The following FNDC1 variants were observed in gnomAD, a reference collection of about 807,000 sequenced individuals.
FNDC1 encodes the protein fibronectin type III domain-containing protein 1.
A neutral mutation model predicts 168.0 loss-of-function variants in FNDC1; 96 were observed. That is an observed-to-expected ratio of 0.57 (90% CI 0.48 to 0.68). The LOEUF is 0.68. Among genes scored for constraint, FNDC1 ranks in the 30% least tolerant of loss-of-function variants. FNDC1 has a pLI of 0.00. For synonymous variants in FNDC1, 1,099 were observed against 1,025.9 expected, an observed-to-expected ratio of 1.07 and a Z score of -1.36; for missense variants, 2,587 against 2,482.1, an observed-to-expected ratio of 1.04 and a Z score of -0.90.
chr6:159,200,359 G>C (rs182240853), intron 3 of FNDC1, among the ~76,000 whole-genome samples, 154 bp from the exon 4 acceptor site: 1 of 152,146 alleles, frequency 6.6e-6, no homozygotes, highest in Non-Finnish European at 1.5e-5. Context: ...TGTATTGTCC[G>C]TAAAGCTGAG....
chr6:159,235,269 C>T (rs530017402), intron 11 of FNDC1, among the ~76,000 whole-genome samples: 208 of 152,202 alleles, frequency 1.4e-3, no homozygotes, highest in African/African-American at 4.8e-3. Context: ...TGCTTTAAAC[C>T]CTCCTTGTAT....
intron 9 of FNDC1, among the ~76,000 whole-genome samples, chr6:159,227,445 A>C (rs1297138975): frequency 2.0e-5 from 3 of 152,178 alleles, no homozygotes; most frequent in Non-Finnish European, 2.9e-5. Context: ...AATTACTACT[A>C]GTCTCCTTTG....
chr6:159,233,246 A>C lies in FNDC1; in HGVS notation c.2734A>C (p.Ser912Arg). The C allele has an allele frequency of 6.2e-7, 1 of 1,613,956 alleles. No homozygotes were observed. The highest frequency in any genetic ancestry group is 8.5e-7 in the Non-Finnish European group (1 of 1,179,876). Residue 912 changes from serine to arginine, a missense_variant, in exon 11 of 23, where the codon AGC (serine) becomes CGC (arginine). By Grantham distance (110) the Ser-to-Arg change is moderately radical. Coordinates refer to ENST00000297267, the MANE Select transcript of FNDC1 (RefSeq NM_032532.3). The surrounding 1 kb of genome is among the most constrained non-coding windows in gnomAD (Gnocchi z 4.6). ...ISRGWEDLRRSPQRGASLHRK... is the reference protein window; with the variant it reads ...ISRGWEDLRRRPQRGASLHRK... ...CCGGGGCTGGGAGGACTTAAGGAGAAGCCCGCAGAGAGGGGCCAGCCTGCA... is the reference window on the plus strand; with the variant it reads ...CCGGGGCTGGGAGGACTTAAGGAGACGCCCGCAGAGAGGGGCCAGCCTGCA...
intron 15 of FNDC1, 36 bp downstream of exon 15, chr6:159,247,005 T>C: frequency 7.3e-7 from 1 of 1,376,838 alleles, no homozygotes; most frequent in Non-Finnish European, 1.0e-6. Context: ...TTTGCACACT[T>C]TCTTTCCTAA....
intron 21 of FNDC1, 22 bp downstream of exon 21, chr6:159,266,267 G>A (rs1487957073): frequency 6.2e-7 from 1 of 1,612,952 alleles, no homozygotes; most frequent in South Asian, 1.1e-5. Context: ...TGCATGGTTG[G>A]CTATGGGAGG....
intron 4 of FNDC1, among the ~76,000 whole-genome samples, chr6:159,208,408 T>C (rs1411393385): frequency 6.6e-6 from 1 of 152,204 alleles, no homozygotes; most frequent in Non-Finnish European, 1.5e-5. Context: ...AAAAGGCTTA[T>C]GATCTATACA....
Position 159,246,885 on chromosome 6 carries a change from T to C in FNDC1, c.4622-16T>C. 6.2e-7 allele frequency: 1 copy of C among 1,601,194 alleles called. No individual in the cohort carries two copies. Among genetic ancestry groups the C allele is most frequent in the Non-Finnish European group, 8.6e-7 (1 of 1,168,130 alleles). On this transcript the variant is annotated splice_polypyrimidine_tract_variant and intron_variant, in intron 14 of 22. Coordinates refer to ENST00000297267, the MANE Select transcript of FNDC1 (RefSeq NM_032532.3). Reference sequence around the variant, plus strand: ...AGGAGCGCTGGATGACTGGTCCTTTTCTCTGTCCTCACTAGATGAGTTCTC... The same window carrying C: ...AGGAGCGCTGGATGACTGGTCCTTTCCTCTGTCCTCACTAGATGAGTTCTC...
intron 9 of FNDC1, among the ~76,000 whole-genome samples, chr6:159,228,525 A>G (rs1378168147): frequency 1.3e-5 from 2 of 149,314 alleles, no homozygotes; most frequent in Non-Finnish European, 2.9e-5. Context: ...AAATGCTGCA[A>G]AAGCATTTTT....
intron 17 of FNDC1, among the ~76,000 whole-genome samples, chr6:159,254,220 A>G (rs1777328110): frequency 6.6e-6 from 1 of 151,828 alleles, no homozygotes; most frequent in African/African-American, 2.4e-5. Context: ...ATCTCTCTCA[A>G]CCTCTTCATC....
chr6:159,234,298 G>A lies in FNDC1; in HGVS notation c.3786G>A (p.Pro1262=), dbSNP rs939462036. ...PRASHVPSRL[P]PRSAATVSPV... ...CCTCCCACGTCCCTTCCCGACTGCC[G>A]CCTCGCAGCGCTGCCACCGTGAGCC... Residue 1262 remains proline, a synonymous_variant, in exon 11 of 23, where the codon CCG becomes CCA. Coordinates refer to ENST00000297267, the MANE Select transcript of FNDC1 (RefSeq NM_032532.3). The A allele has an allele frequency of 1.3e-5, 21 of 1,605,122 alleles. No homozygotes were observed. The highest frequency in any genetic ancestry group is 3.4e-5 in the Admixed American group (2 of 59,034).
chr6:159,186,470 G>T (rs1782002032), intron 1 of FNDC1, among the ~76,000 whole-genome samples: 1 of 152,208 alleles, frequency 6.6e-6, no homozygotes. Flanking sequence ...TGGAGGTTGG[G>T]AGCCAATTCC....
chr6:159,211,993 C>T (rs1278650570), intron 4 of FNDC1, among the ~76,000 whole-genome samples: 2 of 152,196 alleles, frequency 1.3e-5, no homozygotes, highest in Non-Finnish European at 2.9e-5. Flanking sequence ...TGATTCTATA[C>T]AACTTCAGAA....
chr6:159,204,160 C>T (rs1782436491), intron 4 of FNDC1, among the ~76,000 whole-genome samples: 1 of 152,152 alleles, frequency 6.6e-6, no homozygotes, highest in Admixed American at 6.5e-5. Flanking sequence ...TACTCCTTGG[C>T]CATTTCCAGA....
At chr6:159,228,479 A>G (rs1455166606) in intron 9 of FNDC1, among the ~76,000 whole-genome samples, 1 of 152,088 alleles carries the variant, frequency 6.6e-6, no homozygotes, top group Non-Finnish European at 1.5e-5. Context: ...AAGTTTGTTG[A>G]TTTTCAATGA....
chr6:159,266,073 G>A lies in FNDC1; in HGVS notation c.5285-11G>A. ...TGCTTACCCTTAGCAGGTGTGTTTT[G>A]TGTTGTCAAGGCGGTGAGCCTATCT... On this transcript the variant is annotated splice_polypyrimidine_tract_variant and intron_variant, in intron 20 of 22. Transcript: ENST00000297267. The A allele has an allele frequency of 6.2e-7, 1 of 1,613,392 alleles. No homozygotes were observed. The highest frequency in any genetic ancestry group is 2.2e-5 in the East Asian group (1 of 44,880).
At chr6:159,261,328 C>T (rs920636919) in intron 19 of FNDC1, 59 bp downstream of exon 19, 63 of 1,158,920 alleles carry the variant, frequency 5.4e-5, no homozygotes, top group Non-Finnish European at 4.5e-5. Context: ...AATAAATAAT[C>T]TAGCATGATG....
chr6:159,255,086 A>C (rs559018157), intron 17 of FNDC1, among the ~76,000 whole-genome samples: 2 of 152,346 alleles, frequency 1.3e-5, no homozygotes, highest in African/African-American at 4.8e-5. Context: ...GATGTGTTGA[A>C]TATGCAGACC....
intron 16 of FNDC1, among the ~76,000 whole-genome samples, chr6:159,250,178 C>T (rs552681185): frequency 6.6e-6 from 1 of 152,300 alleles, no homozygotes; most frequent in Non-Finnish European, 1.5e-5. Flanking sequence ...CTACAACTCT[C>T]TAAAGCATAG....
intron 6 of FNDC1, among the ~76,000 whole-genome samples, chr6:159,222,641 T>G (rs1419131971): frequency 6.6e-6 from 1 of 152,254 alleles, no homozygotes; most frequent in African/African-American, 2.4e-5. Context: ...AAGATAAATC[T>G]CTGTAAGAAA....
Sources: gnomAD v4.1 joint callset for allele counts (sites outside exome capture counted in the v4.1 genomes callset) on GRCh38, gnomAD v4.1.1 for gene constraint, Gnocchi (gnomAD v3.1) non-coding constraint, MANE v1.5 for transcripts, NCBI Gene and HGNC (gene_info 2026-07-23, HGNC 2026-07-21) for gene names.